Variants in LRATD1 observed in about 807,000 individuals in gnomAD.
The protein encoded by LRATD1 is LRAT domain containing 1, also known as protein LRATD1.
In LRATD1, 8 loss-of-function variants were observed where a neutral mutation model predicts 21.3. The observed-to-expected ratio is 0.38, with a 90% confidence interval of 0.22 to 0.68. The LOEUF is 0.68. LRATD1 is among the 30% of genes least tolerant of loss of function. The probability of loss-of-function intolerance (pLI) is 0.54; values close to 1 mark genes in which losing one functional copy is unlikely to be tolerated. For synonymous variants in LRATD1, 210 were observed against 186.2 expected (o/e 1.13, Z -1.04); for missense variants, 380 against 404.0 (o/e 0.94, Z 0.51).
chr2:14,633,723 T>G lies in LRATD1; in HGVS notation c.-36-221T>G. The stretch of plus-strand genomic sequence containing the variant: ...AGTTGGACCGAGTTCCCGGAAGGGG[T>G]CGGAGGCTGTGTGGTGGCGTCTGCT... On this transcript the variant is annotated intron_variant, in intron 1 of 1. Coordinates refer to ENST00000295092, the MANE Select transcript of LRATD1 (RefSeq NM_145175.4). This position sits in a 1 kb window ranked among gnomAD's most constrained non-coding sequence, Gnocchi z 7.5. 1 of 496,962 alleles carries G rather than the reference T, an allele frequency of 2.0e-6. No homozygotes were observed. Among genetic ancestry groups the G allele is most frequent in the South Asian group, 3.6e-5 (1 of 27,962 alleles). 30.8% of individuals were successfully genotyped at this position (496,962 alleles called of 1,614,324 possible).
Position 14,633,957 on chromosome 2 carries a change from G to A in LRATD1, c.-23G>A, listed in dbSNP as rs556556307. 9 of 1,599,590 alleles carry A rather than the reference G, an allele frequency of 5.6e-6. No individual in the cohort carries two copies. The South Asian group carries it at 8.9e-5, about 16-fold the overall frequency. ...GTGCCTCCGCAGATCCCCGCTCCTG[G>A]CCCTCGCCTCGCCACCTCATTGATG... On this transcript the variant is annotated 5_prime_UTR_variant, in exon 2 of 2. Coordinates refer to ENST00000295092, the MANE Select transcript of LRATD1 (RefSeq NM_145175.4). The surrounding 1 kb of genome is among the most constrained non-coding windows in gnomAD (Gnocchi z 7.5).
Position 14,645,779 on chromosome 2 carries a change from T to A in LRATD1, n.259-325T>A, listed in dbSNP as rs190941569. On this transcript the variant is annotated intron_variant and non_coding_transcript_variant, in intron 2 of 5. Coordinates refer to the LRATD1 transcript ENST00000464947. ...ATAGTGTCCTGAATATCATATTTGC[T>A]TATAAAGATGAAATAACGCAAGGAG... is the stretch of plus-strand genomic sequence containing the variant. Among the ~76,000 whole-genome samples the A allele has an allele frequency of 1.3e-3, 193 of 152,324 alleles. 1 individual carries two copies. Among genetic ancestry groups the A allele is most frequent in the African/African-American group, 4.5e-3 (189 of 41,572 alleles).
rs1407200640 is a variant in LRATD1, at chr2:14,639,802, T to C, written c.*4944T>C. ...TAAATGTAAGACTATGGCAGCTGTC[T>C]AGTACAAGTGCTTCTCACTGATTCT... On this transcript the variant is annotated 3_prime_UTR_variant, in exon 2 of 2. Transcript: ENST00000295092. 6.0e-6 allele frequency: 1 copy of C among 167,100 alleles called. No individual in the cohort carries two copies. The highest frequency in any genetic ancestry group is 1.5e-5 in the Non-Finnish European group (1 of 68,116). 10.4% of individuals were successfully genotyped at this position (167,100 alleles called of 1,614,324 possible).
rs767567897 is a variant in LRATD1, at chr2:14,633,940, G to T, written c.-36-4G>T. On this transcript the variant is annotated splice_polypyrimidine_tract_variant and splice_region_variant and intron_variant, in intron 1 of 1. Transcript: ENST00000295092. The surrounding 1 kb of genome is among the most constrained non-coding windows in gnomAD (Gnocchi z 7.5). ...GGTGTCTCTGCCTCTCTGTGCCTCC[G>T]CAGATCCCCGCTCCTGGCCCTCGCC... The T allele has an allele frequency of 3.2e-6, 5 of 1,584,750 alleles. No homozygotes were observed. In the African/African-American group the frequency reaches 5.4e-5, roughly 17 times the overall value.
rs1671697401 is a variant in LRATD1 at position 14,636,823 on chromosome 2, A to G, written c.*1965A>G. On this transcript the variant is annotated 3_prime_UTR_variant, in exon 2 of 2. Transcript: ENST00000295092. ...AGCTGAGGCTGGAAATGCCTTTTTC[A>G]TGGTAAATGATTCACTTCTATATTT... The G allele has an allele frequency of 6.0e-6, 1 of 167,116 alleles. No individual in the cohort carries two copies. The highest frequency in any genetic ancestry group is 1.5e-5 in the Non-Finnish European group (1 of 68,124). 10.4% of individuals were successfully genotyped at this position (167,116 alleles called of 1,614,324 possible).
At chr2:14,649,277 T>C (rs1306939447) in intron 4 of LRATD1, 1 of 456,570 alleles carries the variant, frequency 2.2e-6, no homozygotes, top group South Asian at 1.5e-5. Flanking sequence ...TTGGCACTTT[T>C]ATTAAATAAA....
rs1427411642 is a variant in LRATD1, at chr2:14,635,653, A to C, written c.*795A>C. 1.1e-5 allele frequency: 5 copies of C among 469,040 alleles called. No individual in the cohort carries two copies. The highest frequency in any genetic ancestry group is 1.8e-5 in the Non-Finnish European group (4 of 225,724). The allele number at this position is 469,040 out of a possible 1,614,324, so 29.1% of individuals were successfully genotyped here. A position where few individuals can be genotyped will look rare whatever the true frequency, so the allele number is the denominator to read the frequency against. ...ATGGCGCTGCGAATTCGGTGAGGAC[A>C]GCCGGCCCCGCCCCCGACAAGGAGC... On this transcript the variant is annotated 3_prime_UTR_variant, in exon 2 of 2. Transcript: ENST00000295092.
rs1671610887 is a variant in LRATD1 at position 14,633,905 on chromosome 2, G to A, written c.-36-39G>A. 9 of 1,524,676 alleles carry A rather than the reference G, an allele frequency of 5.9e-6. 1 individual carries two copies. In the South Asian group the frequency reaches 7.7e-5, roughly 13 times the overall value. 94.4% of individuals were successfully genotyped at this position (1,524,676 alleles called of 1,614,324 possible). On this transcript the variant is annotated intron_variant, in intron 1 of 1. Coordinates refer to ENST00000295092, the MANE Select transcript of LRATD1 (RefSeq NM_145175.4). This position sits in a 1 kb window ranked among gnomAD's most constrained non-coding sequence, Gnocchi z 7.5. The stretch of plus-strand genomic sequence containing the variant: ...GGAGGGACACCGAAAGGGGCAGCCC[G>A]GACTCTGACGGTGTCTCTGCCTCTC...
rs188262297 is a variant in LRATD1, at chr2:14,647,585, C to A, written n.436+1120C>A. On this transcript the variant is annotated intron_variant and non_coding_transcript_variant, in intron 4 of 5. Coordinates refer to the LRATD1 transcript ENST00000464947. ...AGGTGTTAGGTCATGAGGGTGGACC[C>A]CTCATGAATTGGAATAGTACCCCTA... 1.8e-3 allele frequency among the ~76,000 whole-genome samples: 270 copies of A among 152,090 alleles called. 1 individual carries two copies. Among genetic ancestry groups the A allele is most frequent in the African/African-American group, 6.2e-3 (256 of 41,510 alleles).
chr2:14,646,889 T>C (rs1439193678), intron 4 of LRATD1, among the ~76,000 whole-genome samples: 1 of 152,220 alleles, frequency 6.6e-6, no homozygotes, highest in East Asian at 1.9e-4. Context: ...ATTAGATTAG[T>C]TATTCCTCAT....
intron 4 of LRATD1, among the ~76,000 whole-genome samples, chr2:14,648,564 T>G (rs981214756): frequency 2.6e-5 from 4 of 152,180 alleles, no homozygotes; most frequent in African/African-American, 9.7e-5. Flanking sequence ...TGCCTTTGCA[T>G]TCAAACTGTT....
chr2:14,645,308 G>C (rs780061897), intron 2 of LRATD1, among the ~76,000 whole-genome samples: 1 of 152,128 alleles, frequency 6.6e-6, no homozygotes, highest in Non-Finnish European at 1.5e-5. Flanking sequence ...CTTTAAGAAG[G>C]AGAAATTCCA....
rs201609259 is a variant in LRATD1 at position 14,634,085 on chromosome 2, T to C, written c.106T>C (p.Phe36Leu). The C allele has an allele frequency of 6.2e-7, 1 of 1,614,112 alleles. No individual in the cohort carries two copies. The highest frequency in any genetic ancestry group is 8.5e-7 in the Non-Finnish European group (1 of 1,180,008). ...CGAACTGCGGGTCGGGGTTGCCTACTTCTTCTCGGATGATGAGGAAGACCT... is the reference window on the plus strand; with the variant it reads ...CGAACTGCGGGTCGGGGTTGCCTACCTCTTCTCGGATGATGAGGAAGACCT... ...KDELRVGVAY[F>L]FSDDEEDLDE... Residue 36 changes from phenylalanine to leucine, a missense_variant, in exon 2 of 2, where the codon TTC becomes CTC. Coordinates refer to ENST00000295092, the MANE Select transcript of LRATD1 (RefSeq NM_145175.4).
downstream of LRATD1, chr2:14,641,938 C>T (rs1180220076): frequency 6.6e-6 from 1 of 152,204 alleles, no homozygotes; most frequent in Non-Finnish European, 1.5e-5. Context: ...CTCTCTTCAA[C>T]TACAAATACC....
At chr2:14,640,071 AG>A (rs1671783232), downstream of LRATD1, 1 of 167,096 alleles carries the variant, frequency 6.0e-6, no homozygotes, top group Non-Finnish European at 1.5e-5. Flanking sequence ...TTGGTCAGAA[AG>A]GGAAAAGCGA....
chr2:14,651,063 T>TCATC (rs1316147437), downstream of LRATD1, among the ~76,000 whole-genome samples: 4 of 152,174 alleles, frequency 2.6e-5, no homozygotes, highest in Non-Finnish European at 4.4e-5. Flanking sequence ...CTGCTCATCC[T>TCATC]CATCATAGGA....
In LRATD1 at chr2:14,638,213, C is replaced by CAAAAAAAAAAAAAAA; in HGVS notation, c.*3362_*3376dup. On this transcript the variant is annotated 3_prime_UTR_variant, in exon 2 of 2. Transcript: ENST00000295092. ...ATGCTGTTATTCTCAAAGTACATTC[C>CAAAAAAAAAAAAAAA]AAAAAAAAAAAAAAAAAAAAACTAT... The CAAAAAAAAAAAAAAA allele has an allele frequency of 1.2e-5, 1 of 84,998 alleles. No individual in the cohort carries two copies. The highest frequency in any genetic ancestry group is 2.6e-5 in the Non-Finnish European group (1 of 39,034). 5.3% of individuals were successfully genotyped at this position (84,998 alleles called of 1,614,324 possible).
chr2:14,647,659 G>A (rs573754458), intron 4 of LRATD1, among the ~76,000 whole-genome samples: 23 of 152,110 alleles, frequency 1.5e-4, no homozygotes, highest in African/African-American at 5.3e-4. Context: ...GCCATGTGAG[G>A]ATACAATGAG....
At chr2:14,643,334 C>T (rs1558257202), downstream of LRATD1, among the ~76,000 whole-genome samples, 1 of 152,166 alleles carries the variant, frequency 6.6e-6, no homozygotes, top group Admixed American at 6.5e-5. Context: ...ATTAATTCTG[C>T]GTATGTTACT....
Sources: gnomAD v4.1 joint callset for allele counts (sites outside exome capture counted in the v4.1 genomes callset) on GRCh38, gnomAD v4.1.1 for gene constraint, Gnocchi (gnomAD v3.1) non-coding constraint, MANE v1.5 for transcripts, NCBI Gene and HGNC (gene_info 2026-07-23, HGNC 2026-07-21) for gene names.